The following RASEF variants were observed in gnomAD, a reference collection of about 807,000 sequenced individuals.
The protein encoded by RASEF is RAS and EF-hand domain containing.
Under a neutral mutation model 90.1 loss-of-function variants are expected in RASEF, and 68 were observed. The observed-to-expected ratio is 0.75, with a 90% CI of 0.62 to 0.92. The LOEUF (loss-of-function observed/expected upper bound fraction) is 0.92. Among genes scored for constraint, RASEF ranks in the 40% least tolerant of loss-of-function variants. The pLI is 0.00. For synonymous variants in RASEF, 331 were observed against 345.2 expected (o/e 0.96, Z 0.46); for missense variants, 949 against 937.2 (o/e 1.01, Z -0.16).
the RASEF span, among the ~76,000 whole-genome samples, chr9:83,098,908 G>A: frequency 2.0e-5 from 3 of 152,200 alleles, no homozygotes; most frequent in Admixed American, 6.5e-5. Flanking sequence ...TTCAGGTGGC[G>A]ACACAGAGCC....
chr9:83,208,676 T>G, the RASEF span, among the ~76,000 whole-genome samples: 2 of 152,222 alleles, frequency 1.3e-5, no homozygotes, highest in South Asian at 4.1e-4. Flanking sequence ...AACTGTAGTT[T>G]CTTGCCGCCC....
chr9:83,105,708 C>T, the RASEF span, among the ~76,000 whole-genome samples: 52 of 152,258 alleles, frequency 3.4e-4, 1 homozygote, highest in South Asian at 8.7e-3. Context: ...AGCCTGTAAA[C>T]GCTACGAAAA....
chr9:83,113,598 C>T, the RASEF span, among the ~76,000 whole-genome samples: 2 of 152,034 alleles, frequency 1.3e-5, no homozygotes, highest in Non-Finnish European at 2.9e-5. Flanking sequence ...AAGGAATAAC[C>T]CTGGGGAAGG....
chr9:83,146,190 CA>C, the RASEF span, among the ~76,000 whole-genome samples: 1 of 151,680 alleles, frequency 6.6e-6, no homozygotes, highest in Non-Finnish European at 1.5e-5. Flanking sequence ...TGTCTCAAAA[CA>C]GGGCAACGAT....
chr9:83,038,328 C>T (rs557355437), intron 1 of RASEF, among the ~76,000 whole-genome samples: 7 of 152,192 alleles, frequency 4.6e-5, no homozygotes, highest in Admixed American at 4.6e-4. Flanking sequence ...TTAGAATTTA[C>T]TCTACAATTA....
At chr9:82,986,430 A>G (rs551149797) in intron 16 of RASEF, among the ~76,000 whole-genome samples, 28 of 152,324 alleles carry the variant, frequency 1.8e-4, no homozygotes, top group African/African-American at 6.3e-4. Context: ...TGATGTCTCT[A>G]TTGAACATAG....
At chr9:83,041,494 T>C (rs996994427) in intron 1 of RASEF, among the ~76,000 whole-genome samples, 4 of 152,228 alleles carry the variant, frequency 2.6e-5, no homozygotes, top group African/African-American at 7.2e-5. Context: ...AGAGATTTTC[T>C]TATGAATTTC....
chr9:83,142,969 G>T, the RASEF span, among the ~76,000 whole-genome samples: 27 of 152,048 alleles, frequency 1.8e-4, no homozygotes, highest in Admixed American at 1.8e-3. Context: ...GTGAAAGTTG[G>T]TGAAGTAATT....
chr9:83,062,650 C>T lies in RASEF; in HGVS notation c.218G>A (p.Gly73Glu). The T allele has an allele frequency of 1.3e-6, 2 of 1,561,180 alleles. No individual in the cohort carries two copies. The highest frequency in any genetic ancestry group is 1.2e-5 in the South Asian group (1 of 86,304). ...TFQEFARGFL[G>E]SLRGGRRRDW... ...CCGGCGCCGCCCCCCGCGGAGGGAC[C>T]CGAGGAAGCCACGCGCGAACTCCTG... The change falls in exon 1 of 17, where the codon GGG becomes GAG. Residue 73 changes from glycine to glutamate, a missense_variant. Physicochemically the swap from Gly to Glu is moderately conservative, Grantham distance 98. This residue lies in a region of RASEF where 656 missense variants were observed against 592.2 expected (regional missense o/e 1.11). Coordinates refer to ENST00000376447, the MANE Select transcript of RASEF (RefSeq NM_152573.4).
At chr9:83,083,858 C>G in the RASEF span, among the ~76,000 whole-genome samples, 7 of 152,024 alleles carry the variant, frequency 4.6e-5, no homozygotes, top group Admixed American at 3.3e-4. Context: ...AAGTTCATAA[C>G]TTTTGAACTA....
the RASEF span, among the ~76,000 whole-genome samples, chr9:83,191,901 T>G: frequency 6.6e-6 from 1 of 152,206 alleles, no homozygotes; most frequent in Non-Finnish European, 1.5e-5. Flanking sequence ...TATTTCACAA[T>G]AGTTTTTTAA....
At chr9:83,182,697 G>A in the RASEF span, among the ~76,000 whole-genome samples, 1 of 151,982 alleles carries the variant, frequency 6.6e-6, no homozygotes, top group South Asian at 2.1e-4. Flanking sequence ...TGGTCAAACA[G>A]ACTAGTAAAA....
At chr9:83,139,587 G>A in the RASEF span, among the ~76,000 whole-genome samples, 3 of 152,068 alleles carry the variant, frequency 2.0e-5, no homozygotes, top group African/African-American at 4.8e-5. Context: ...CTTCACACTT[G>A]TCATCTTCAC....
intron 1 of RASEF, 51 bp from the exon 2 acceptor site, chr9:83,025,972 A>T: frequency 7.5e-7 from 1 of 1,336,940 alleles, no homozygotes; most frequent in Non-Finnish European, 1.0e-6. Context: ...TTTAAAGGCA[A>T]CTCTGCAGGG....
chr9:83,031,453 T>G (rs759029929), intron 1 of RASEF, among the ~76,000 whole-genome samples: 4 of 152,326 alleles, frequency 2.6e-5, no homozygotes, highest in Non-Finnish European at 5.9e-5. Context: ...TTAATTCTCA[T>G]GACAACTCTA....
At chr9:82,990,284 TAA>T (rs1244252084) in intron 16 of RASEF, 105 bp downstream of exon 16, 1 of 735,106 alleles carries the variant, frequency 1.4e-6, no homozygotes, top group Non-Finnish European at 2.3e-6. Flanking sequence ...GACTGACAGA[TAA>T]GAGAGTGTTT....
At chr9:83,125,816 G>A in the RASEF span, among the ~76,000 whole-genome samples, 5 of 152,282 alleles carry the variant, frequency 3.3e-5, no homozygotes, top group African/African-American at 4.8e-5. Context: ...CACTGTGTCC[G>A]TTGACATATT....
In RASEF at chr9:83,015,893, C is replaced by A. The variant is rs574121408; in HGVS notation, c.677G>T (p.Arg226Leu). 1.2e-6 allele frequency: 2 copies of A among 1,612,208 alleles called. No homozygotes were observed. Among genetic ancestry groups the A allele is most frequent in the African/African-American group, 1.3e-5 (1 of 74,898 alleles). ...GTCACTGAGGGCTTCCTCAGCTTTG[C>A]GTTTTTCCTAAAAGAAAAAAAAATA... ...AEHKTRKDEK[R>L]KAEEALSDLR... The change falls in exon 4 of 17, where the codon CGC (arginine) becomes CTC (leucine). Residue 226 changes from arginine to leucine, a missense_variant. Physicochemically the swap from Arg to Leu is moderately radical, Grantham distance 102 (BLOSUM62 -2). Coordinates refer to ENST00000376447, the MANE Select transcript of RASEF (RefSeq NM_152573.4).
chr9:83,204,258 G>A, the RASEF span, among the ~76,000 whole-genome samples: 146 of 152,190 alleles, frequency 9.6e-4, 1 homozygote, highest in Admixed American at 3.9e-3. Flanking sequence ...TGGAGGACAC[G>A]ACACAGGCAC....
Sources: allele counts gnomAD v4.1 joint callset (sites outside exome capture counted in the v4.1 genomes callset), GRCh38; gene constraint gnomAD v4.1.1; regional missense constraint gnomAD v4.1.1; transcripts MANE v1.5; gene names NCBI Gene and HGNC (gene_info 2026-07-23, HGNC 2026-07-21).